Variants in TOGARAM1 observed in about 807,000 individuals in gnomAD.
TOGARAM1 encodes the protein TOG array regulator of axonemal microtubules protein 1.
Under a neutral mutation model 166.6 loss-of-function variants are expected in TOGARAM1, and 100 were observed. That is an observed-to-expected ratio of 0.60 (90% CI 0.51 to 0.71). The LOEUF is 0.71. Among genes scored for constraint, TOGARAM1 ranks in the 30% least tolerant of loss-of-function variants. TOGARAM1 has a pLI of 0.00. For synonymous variants in TOGARAM1, 758 were observed against 763.8 expected, an observed-to-expected ratio of 0.99 and a Z score of 0.13; for missense variants, 2,029 against 2,102.7, an observed-to-expected ratio of 0.96 and a Z score of 0.69.
At chr14:44,968,737 T>G (rs899083804) in intron 1 of TOGARAM1, among the ~76,000 whole-genome samples, 2 of 152,208 alleles carry the variant, frequency 1.3e-5, no homozygotes, top group African/African-American at 4.8e-5. Context: ...TAGTTTACAT[T>G]AAGATTCACT....
At chr14:45,052,377 C>CT in intron 14 of TOGARAM1, 59 bp from the exon 15 acceptor site, 1 of 1,480,424 alleles carries the variant, frequency 6.8e-7, no homozygotes, top group Non-Finnish European at 9.3e-7. Flanking sequence ...CATCTAAGGT[C>CT]AGCAACTGAG....
At chr14:45,016,111 T>C (rs1880119699) in intron 7 of TOGARAM1, among the ~76,000 whole-genome samples, 2 of 152,096 alleles carry the variant, frequency 1.3e-5, no homozygotes, top group South Asian at 4.1e-4. Flanking sequence ...AAAATACTTG[T>C]CAGGCCAGGC....
In TOGARAM1 at chr14:45,074,373, A is replaced by T. The variant is rs1883515012; in HGVS notation, c.*812A>T. On this transcript the variant is annotated 3_prime_UTR_variant, in exon 20 of 20. Transcript: ENST00000361462. ...TTTCAGAATTCATGGGCTTACAAGTACTGTATGCATCTTTAAAAAGAAAAG... is the reference window on the plus strand; with the variant it reads ...TTTCAGAATTCATGGGCTTACAAGTTCTGTATGCATCTTTAAAAAGAAAAG... 1 of 152,584 alleles carries T rather than the reference A, an allele frequency of 6.6e-6. No homozygotes were observed. Among genetic ancestry groups the T allele is most frequent in the Non-Finnish European group, 1.5e-5 (1 of 68,024 alleles). 9.5% of individuals were successfully genotyped at this position (152,584 alleles called of 1,614,324 possible).
At chr14:45,048,103 C>T (rs1162885904) in intron 14 of TOGARAM1, among the ~76,000 whole-genome samples, 4 of 150,020 alleles carry the variant, frequency 2.7e-5, no homozygotes, top group Admixed American at 2.0e-4. Flanking sequence ...CCTGTAATCC[C>T]AGCACTTTGG....
intron 12 of TOGARAM1, among the ~76,000 whole-genome samples, chr14:45,044,089 A>G (rs576250784): frequency 7.0e-4 from 106 of 151,856 alleles, no homozygotes; most frequent in Admixed American, 1.4e-3. Context: ...GGGTCACTGC[A>G]ACCTTCTCCT....
At chr14:45,008,773 A>G in intron 5 of TOGARAM1, 140 bp from the exon 6 acceptor site, 1 of 596,142 alleles carries the variant, frequency 1.7e-6, no homozygotes, top group South Asian at 2.1e-5. Context: ...ATATACATAT[A>G]TATTAGTATT....
intron 6 of TOGARAM1, among the ~76,000 whole-genome samples, chr14:45,011,704 C>A (rs1323158846): frequency 2.0e-5 from 3 of 151,506 alleles, no homozygotes; most frequent in East Asian, 1.9e-4. Flanking sequence ...CTGTGGCAAT[C>A]CTGTCTTGAG....
At chr14:44,966,454 C>A (rs1483743028) in intron 1 of TOGARAM1, among the ~76,000 whole-genome samples, 1 of 151,962 alleles carries the variant, frequency 6.6e-6, no homozygotes, top group East Asian at 2.0e-4. Context: ...GCCTAGGCAA[C>A]AGAGCAAGAC....
chr14:45,071,726 C>G lies in TOGARAM1; in HGVS notation c.4984C>G (p.Leu1662Val), dbSNP rs1350772656. The change falls in exon 19 of 20, where the codon CTA becomes GTA. Residue 1662 changes from leucine (L) to valine (V), a missense_variant. By Grantham distance (32) the Leu-to-Val change is conservative. Transcript: ENST00000361462. ...TTTTTGTTTAGACAATTACTTACTTCTACAGCCATTTTGCACAAAAGCTCA... is the reference window on the plus strand; with the variant it reads ...TTTTTGTTTAGACAATTACTTACTTGTACAGCCATTTTGCACAAAAGCTCA... ...LSQHVDNYLL[L>V]QPFCTKAQFL... The G allele has an allele frequency of 1.2e-6, 2 of 1,611,004 alleles. No homozygotes were observed. Among genetic ancestry groups the G allele is most frequent in the South Asian group, 2.2e-5 (2 of 90,304 alleles).
At chr14:45,005,899 T>A (rs1594646335) in intron 4 of TOGARAM1, 109 bp from the exon 5 acceptor site, 1 of 905,836 alleles carries the variant, frequency 1.1e-6, no homozygotes, top group African/African-American at 1.7e-5. Context: ...TGACCAGCTA[T>A]AATGTGCTTT....
At chr14:45,045,801 G>A (rs891450433) in intron 13 of TOGARAM1, among the ~76,000 whole-genome samples, 1 of 147,864 alleles carries the variant, frequency 6.8e-6, no homozygotes, top group African/African-American at 2.5e-5. Context: ...ATTAGTCAGT[G>A]GGCACTTAGG....
intron 15 of TOGARAM1, 66 bp from the exon 16 acceptor site, chr14:45,054,365 A>G (rs1308647909): frequency 2.1e-6 from 2 of 965,294 alleles, no homozygotes; most frequent in Non-Finnish European, 1.5e-6. Flanking sequence ...TGAAAATTAC[A>G]TTGTGTAAAT....
intron 12 of TOGARAM1, among the ~76,000 whole-genome samples, chr14:45,044,008 G>A (rs1881854901): frequency 1.3e-5 from 2 of 151,904 alleles, no homozygotes; most frequent in Admixed American, 1.3e-4. Context: ...TAAGATGTGG[G>A]GTTTTGTTTG....
chr14:45,045,572 TA>T (rs1168573115), intron 13 of TOGARAM1, among the ~76,000 whole-genome samples: 1 of 39,302 alleles, frequency 2.5e-5, no homozygotes, highest in African/African-American at 1.5e-4. Context: ...TATATATATA[TA>T]TATATATATA....
At chr14:45,067,633 G>A (rs1050660629) in intron 17 of TOGARAM1, among the ~76,000 whole-genome samples, 1 of 151,894 alleles carries the variant, frequency 6.6e-6, no homozygotes, top group Non-Finnish European at 1.5e-5. Context: ...ACTTCTCATG[G>A]TATTGTCTCA....
intron 14 of TOGARAM1, among the ~76,000 whole-genome samples, chr14:45,048,134 A>T (rs1882171291): frequency 6.6e-6 from 1 of 151,584 alleles, no homozygotes; most frequent in African/African-American, 2.4e-5. Flanking sequence ...CGGGCGGCTC[A>T]CAAGATCAAG....
chr14:45,064,502 G>T (rs930316570), intron 16 of TOGARAM1, among the ~76,000 whole-genome samples: 1 of 151,960 alleles, frequency 6.6e-6, no homozygotes, highest in African/African-American at 2.4e-5. Flanking sequence ...GCAGGGTCTT[G>T]CTCTGTCATC....
intron 19 of TOGARAM1, among the ~76,000 whole-genome samples, chr14:45,072,159 C>T (rs904999230): frequency 6.6e-6 from 1 of 152,176 alleles, no homozygotes; most frequent in African/African-American, 2.4e-5. Context: ...CCTGCCTTAA[C>T]AAAACTGCTT....
intron 5 of TOGARAM1, among the ~76,000 whole-genome samples, chr14:45,008,322 T>C (rs1879585583): frequency 6.6e-6 from 1 of 151,510 alleles, no homozygotes; most frequent in Non-Finnish European, 1.5e-5. Flanking sequence ...CATTGCAACC[T>C]TTGCCTCCCA....
Sources: gnomAD v4.1 joint callset for allele counts (sites outside exome capture counted in the v4.1 genomes callset) on GRCh38, gnomAD v4.1.1 for gene constraint, MANE v1.5 for transcripts, NCBI Gene and HGNC (gene_info 2026-07-23, HGNC 2026-07-21) for gene names.